Variants in ASB4 observed in about 807,000 individuals in gnomAD.
ASB4 encodes the protein ankyrin repeat and SOCS box protein 4.
Under a neutral mutation model 38.6 loss-of-function variants are expected in ASB4, and 35 were observed. That is an observed-to-expected ratio of 0.91 (90% CI 0.69 to 1.20). The LOEUF (loss-of-function observed/expected upper bound fraction) is 1.20, where lower values mean the gene tolerates loss of function less well. Ranked by LOEUF, ASB4 falls within the 50% of genes most tolerant of loss-of-function variation. ASB4 has a pLI of 0.00. For synonymous variants in ASB4, 195 were observed against 201.3 expected, an observed-to-expected ratio of 0.97 and a Z score of 0.26; for missense variants, 557 against 527.2, an observed-to-expected ratio of 1.06 and a Z score of -0.55.
upstream of ASB4, among the ~76,000 whole-genome samples, chr7:95,481,066 C>T (rs983501628): frequency 5.9e-5 from 9 of 152,124 alleles, no homozygotes; most frequent in African/African-American, 1.9e-4. Context: ...GCTATCTGAC[C>T]TTGTATAATT....
chr7:95,490,395 C>T (rs1246689120), intron 1 of ASB4, among the ~76,000 whole-genome samples: 1 of 152,126 alleles, frequency 6.6e-6, no homozygotes, highest in Non-Finnish European at 1.5e-5. Context: ...TGCTTTTATC[C>T]CCCCTTCCCA....
At position 95,495,877 on chromosome 7, in the gene ASB4, T is replaced by G; in HGVS notation, c.307T>G (p.Cys103Gly). 6.2e-7 allele frequency: 1 copy of G among 1,614,106 alleles called. No homozygotes were observed. Among genetic ancestry groups the G allele is most frequent in the Middle Eastern group, 1.6e-4 (1 of 6,062 alleles). The part of the protein sequence containing the change: ...VLLDHNATIN[C>G]RPNGKTPLHV... ...ACTGGACCACAATGCTACAATCAAC[T>G]GTAGACCCAATGGGAAAACCCCTCT... The change falls in exon 2 of 5, where the codon TGT becomes GGT. Residue 103 changes from cysteine (C) to glycine (G), a missense_variant. Cys to Gly is a radical substitution (Grantham distance 159). Coordinates refer to ENST00000325885, the MANE Select transcript of ASB4 (RefSeq NM_016116.3).
chr7:95,518,104 C>T (rs1790609784), intron 2 of ASB4, among the ~76,000 whole-genome samples: 1 of 152,156 alleles, frequency 6.6e-6, no homozygotes, highest in African/African-American at 2.4e-5. Context: ...GTCAGCATTT[C>T]TGTTTGTTTT....
At chr7:95,490,651 G>T (rs1218854579) in intron 1 of ASB4, among the ~76,000 whole-genome samples, 2 of 152,202 alleles carry the variant, frequency 1.3e-5, no homozygotes, top group Admixed American at 6.5e-5. Context: ...TTAGCTGAAG[G>T]TTTACCAGAA....
At chr7:95,499,174 A>T (rs1790294920) in intron 2 of ASB4, among the ~76,000 whole-genome samples, 1 of 152,222 alleles carries the variant, frequency 6.6e-6, no homozygotes, top group South Asian at 2.1e-4. Flanking sequence ...ATAAAAGTAT[A>T]GATTTCAGAA....
At chr7:95,473,552 A>C (rs1037895250), upstream of ASB4, 2 of 152,196 alleles carry the variant, frequency 1.3e-5, no homozygotes, top group Non-Finnish European at 2.9e-5. Flanking sequence ...TAATGAGGGA[A>C]GCACGATTGG....
At chr7:95,493,376 GTGTGTGTGTGTGTGTA>G (rs773358033) in intron 1 of ASB4, among the ~76,000 whole-genome samples, 58 of 116,006 alleles carry the variant, frequency 5.0e-4, no homozygotes, top group East Asian at 1.5e-3. Context: ...GTGTGTGTGT[GTGTGTGTGTGTGTGTA>G]TGTGTGTGTG....
Position 95,527,999 on chromosome 7 carries a change from A to G in ASB4, c.674A>G (p.Gln225Arg), listed in dbSNP as rs138743651. ...TACTGGGCCCTCCGCTTTAAGGAGCAGGAGTACAGCACGGAGCACCACCTG... is the reference window on the plus strand; with the variant it reads ...TACTGGGCCCTCCGCTTTAAGGAGCGGGAGTACAGCACGGAGCACCACCTG... The part of the protein sequence containing the change: ...AAYWALRFKE[Q>R]EYSTEHHLVC... The change falls in exon 3 of 5, where the codon CAG (glutamine) becomes CGG (arginine). Residue 225 changes from glutamine to arginine, a missense_variant. By Grantham distance (43) the Gln-to-Arg change is conservative. Transcript: ENST00000325885. 1.5e-5 allele frequency: 25 copies of G among 1,613,992 alleles called. No homozygotes were observed. In the African/African-American group the frequency reaches 3.2e-4, roughly 21 times the overall value.
the ASB4 span, among the ~76,000 whole-genome samples, chr7:95,472,527 C>T: frequency 6.6e-6 from 1 of 152,162 alleles, no homozygotes; most frequent in African/African-American, 2.4e-5. Context: ...AACTGCAGTG[C>T]TATAAATCTG....
At chr7:95,499,253 T>C (rs1790296194) in intron 2 of ASB4, among the ~76,000 whole-genome samples, 1 of 152,150 alleles carries the variant, frequency 6.6e-6, no homozygotes, top group Non-Finnish European at 1.5e-5. Flanking sequence ...GTCAAGGAAA[T>C]CAATGGAATC....
At chr7:95,493,433 A>G (rs1303554096) in intron 1 of ASB4, among the ~76,000 whole-genome samples, 2 of 151,900 alleles carry the variant, frequency 1.3e-5, no homozygotes, top group Non-Finnish European at 2.9e-5. Flanking sequence ...GATACATTAC[A>G]GAAAGACAGA....
chr7:95,528,376 C>T, intron 3 of ASB4, 73 bp downstream of exon 3: 1 of 1,600,716 alleles, frequency 6.2e-7, no homozygotes, highest in East Asian at 2.2e-5. Flanking sequence ...CTCCAAGTAA[C>T]TCAAGCTTGC....
At chr7:95,484,717 A>C (rs1166883554), upstream of ASB4, among the ~76,000 whole-genome samples, 1 of 152,130 alleles carries the variant, frequency 6.6e-6, no homozygotes, top group Non-Finnish European at 1.5e-5. Flanking sequence ...GACATATAAA[A>C]ATGCAATTTA....
Position 95,539,539 on chromosome 7 carries a change from A to T in ASB4, c.*1780A>T, listed in dbSNP as rs1349027415. ...AAATAGTTTGCTTGCAGCAAGTGGT[A>T]TTAGAACACATCCTAAAACAGAATG... On this transcript the variant is annotated 3_prime_UTR_variant, in exon 5 of 5. Coordinates refer to ENST00000325885, the MANE Select transcript of ASB4 (RefSeq NM_016116.3). 6.5e-6 allele frequency: 1 copy of T among 152,958 alleles called. No individual in the cohort carries two copies. The highest frequency in any genetic ancestry group is 1.5e-5 in the Non-Finnish European group (1 of 68,626). The allele number at this position is 152,958 out of a possible 1,614,324, so 9.5% of individuals were successfully genotyped here. A position where few individuals can be genotyped will look rare whatever the true frequency, so the allele number is the denominator to read the frequency against.
upstream of ASB4, among the ~76,000 whole-genome samples, chr7:95,476,605 A>G (rs1179192089): frequency 1.3e-5 from 2 of 152,144 alleles, no homozygotes; most frequent in Non-Finnish European, 2.9e-5. Context: ...TGGGGCCTTG[A>G]CTGACAGTAG....
rs774715779 is a variant in ASB4, at chr7:95,528,272, CT to C, written c.948del (p.Ala317ProfsTer11). 6.2e-7 allele frequency: 1 copy of C among 1,614,162 alleles called. No homozygotes were observed. Among genetic ancestry groups the C allele is most frequent in the Non-Finnish European group, 8.5e-7 (1 of 1,180,022 alleles). On this transcript the variant is annotated frameshift_variant, in exon 3 of 5. Transcript: ENST00000325885. LOFTEE classifies it high-confidence loss of function. ...ICYQLLLNHGAARIYPPQFHK... is the reference protein window; with the variant it reads ...ICYQLLLNHGXARIYPPQFHK... ...TACCAGCTCCTGTTGAACCATGGGGCTGCCCGAATATACCCTCCACAGTTCC... is the reference window on the plus strand; with the variant it reads ...TACCAGCTCCTGTTGAACCATGGGGCGCCCGAATATACCCTCCACAGTTCC...
upstream of ASB4, among the ~76,000 whole-genome samples, chr7:95,484,210 T>C (rs1488325967): frequency 6.6e-6 from 1 of 152,042 alleles, no homozygotes; most frequent in Non-Finnish European, 1.5e-5. Context: ...TGCATGCCTA[T>C]AGTCCTAACT....
chr7:95,488,982 TAGAAAGTGAAAAG>T (rs1379298650), intron 1 of ASB4, among the ~76,000 whole-genome samples: 1 of 152,234 alleles, frequency 6.6e-6, no homozygotes, highest in African/African-American at 2.4e-5. Flanking sequence ...GATAGTCCTA[TAGAAAGTGAAAAG>T]TAGTACAATC....
At chr7:95,493,781 A>G (rs1040920863) in intron 1 of ASB4, among the ~76,000 whole-genome samples, 2 of 152,134 alleles carry the variant, frequency 1.3e-5, no homozygotes, top group African/African-American at 2.4e-5. Flanking sequence ...CATAGTTTGT[A>G]TACTGTTTGG....
Sources: allele counts gnomAD v4.1 joint callset (sites outside exome capture counted in the v4.1 genomes callset), GRCh38; gene constraint gnomAD v4.1.1; transcripts MANE v1.5; gene names NCBI Gene and HGNC (gene_info 2026-07-23, HGNC 2026-07-21).